SMARCC1: variants seen among roughly 807,000 people sequenced by gnomAD.
SMARCC1 encodes the protein SWI/SNF complex subunit SMARCC1.
Under a neutral mutation model 147.4 loss-of-function variants are expected in SMARCC1, and 43 were observed. The observed-to-expected ratio is 0.29, with a 90% confidence interval of 0.23 to 0.38. The LOEUF is 0.38. Among genes scored for constraint, SMARCC1 ranks in the 10% least tolerant of loss-of-function variants. The pLI is 1.00. For missense variants in SMARCC1, 1,119 were observed against 1,381.1 expected (o/e 0.81, Z 3.01); for synonymous variants, 495 against 484.4 (o/e 1.02, Z -0.29).
At chr3:47,593,511 A>G (rs1210507983) in intron 26 of SMARCC1, among the ~76,000 whole-genome samples, 1 of 152,226 alleles carries the variant, frequency 6.6e-6, no homozygotes, top group African/African-American at 2.4e-5. Flanking sequence ...TTCTCTACAG[A>G]ATAAGAAAAA....
chr3:47,748,341 G>A (rs2034589690), intron 2 of SMARCC1, among the ~76,000 whole-genome samples: 1 of 152,022 alleles, frequency 6.6e-6, no homozygotes, highest in Non-Finnish European at 1.5e-5. Context: ...AGCCTCCCAA[G>A]TAGTTGGGAT....
chr3:47,736,966 T>C (rs962886288), intron 4 of SMARCC1, among the ~76,000 whole-genome samples: 1 of 152,150 alleles, frequency 6.6e-6, no homozygotes, highest in Non-Finnish European at 1.5e-5. Context: ...AATAAGGACA[T>C]TAAGCATTCT....
At chr3:47,755,052 T>C (rs2034674358) in intron 2 of SMARCC1, among the ~76,000 whole-genome samples, 1 of 145,092 alleles carries the variant, frequency 6.9e-6, no homozygotes, top group Non-Finnish European at 1.5e-5. Context: ...CAAAAATAAA[T>C]AAATAAAAAT....
chr3:47,755,556 A>G (rs1272294855), intron 2 of SMARCC1, among the ~76,000 whole-genome samples: 4 of 149,818 alleles, frequency 2.7e-5, no homozygotes, highest in Non-Finnish European at 4.4e-5. Flanking sequence ...AAAAAGAATT[A>G]TAAGTTTAAA....
intron 22 of SMARCC1, among the ~76,000 whole-genome samples, chr3:47,637,019 C>A (rs192727905): frequency 6.6e-6 from 1 of 152,100 alleles, no homozygotes; most frequent in Non-Finnish European, 1.5e-5. Context: ...ACTGAAAAAA[C>A]CGCAACTGAC....
chr3:47,648,921 C>CATTG (rs1045274998), intron 21 of SMARCC1, among the ~76,000 whole-genome samples: 1 of 152,128 alleles, frequency 6.6e-6, no homozygotes, highest in African/African-American at 2.4e-5. Flanking sequence ...TTTGATTAAA[C>CATTG]AATCCCCCAA....
At chr3:47,688,786 T>C (rs755888890) in intron 13 of SMARCC1, among the ~76,000 whole-genome samples, 8 of 152,146 alleles carry the variant, frequency 5.3e-5, no homozygotes, top group Non-Finnish European at 1.5e-5. Context: ...GGATAACATC[T>C]GAAATACTGT....
intron 13 of SMARCC1, among the ~76,000 whole-genome samples, 181 bp downstream of exon 13, chr3:47,689,206 G>C (rs1477241345): frequency 2.0e-5 from 3 of 151,988 alleles, no homozygotes; most frequent in Non-Finnish European, 4.4e-5. Context: ...ACACCTTCCA[G>C]AAATGGTTCT....
intron 2 of SMARCC1, among the ~76,000 whole-genome samples, chr3:47,764,069 C>A (rs535121444): frequency 6.6e-6 from 1 of 152,004 alleles, no homozygotes; most frequent in Non-Finnish European, 1.5e-5. Context: ...GGATTTCGCT[C>A]TATCACTCAG....
intron 11 of SMARCC1, among the ~76,000 whole-genome samples, chr3:47,696,742 T>G (rs1231263326): frequency 2.0e-5 from 3 of 152,116 alleles, no homozygotes; most frequent in Non-Finnish European, 1.5e-5. Context: ...AGGCTGGTCT[T>G]GAACTCTTGA....
At chr3:47,751,540 CAAAAAAAAAAA>C (rs57964357) in intron 2 of SMARCC1, among the ~76,000 whole-genome samples, 91,023 of 141,964 alleles carry the variant, frequency 0.64, 28,797 homozygotes, top group East Asian at 0.74. Flanking sequence ...GACTCTGTCT[CAAAAAAAAAAA>C]AAAAGAAAAC....
chr3:47,767,953 A>C (rs1311030411), intron 2 of SMARCC1, among the ~76,000 whole-genome samples: 2 of 151,402 alleles, frequency 1.3e-5, no homozygotes, highest in Non-Finnish European at 2.9e-5. Context: ...CTCCCACCTC[A>C]GCCTCCCAAG....
In SMARCC1 at chr3:47,720,735, T is replaced by C. The variant is rs1387372744; in HGVS notation, c.647A>G (p.Glu216Gly). ...IYPYSSSQDDEEWLRPVMRKE... is the reference protein window; with the variant it reads ...IYPYSSSQDDGEWLRPVMRKE... Reference sequence around the variant, plus strand: ...TCTCATCACCGGTCTCAACCATTCTTCTGGAAGAGAAAAAGAAACAACTTT... The same window carrying C: ...TCTCATCACCGGTCTCAACCATTCTCCTGGAAGAGAAAAAGAAACAACTTT... Residue 216 changes from glutamate to glycine, a missense_variant and splice_region_variant, in exon 7 of 28, where the codon GAA (glutamate) becomes GGA (glycine). This residue lies in a region of SMARCC1 where 542 missense variants were observed against 611.8 expected (regional missense o/e 0.89). Coordinates refer to ENST00000254480, the MANE Select transcript of SMARCC1 (RefSeq NM_003074.4). 3 of 1,605,714 alleles carry C rather than the reference T, an allele frequency of 1.9e-6. No individual in the cohort carries two copies. The South Asian group carries it at 3.4e-5, about 18-fold the overall frequency.
intron 25 of SMARCC1, among the ~76,000 whole-genome samples, chr3:47,616,454 T>C (rs965199693): frequency 6.6e-6 from 1 of 152,160 alleles, no homozygotes; most frequent in African/African-American, 2.4e-5. Flanking sequence ...AATTCGATTT[T>C]TTTTTTTTGA....
intron 14 of SMARCC1, among the ~76,000 whole-genome samples, chr3:47,685,642 G>A (rs2106768589): frequency 6.6e-6 from 1 of 150,676 alleles, no homozygotes; most frequent in East Asian, 2.0e-4. Context: ...GGTGGATCAC[G>A]AGGTCAGGAG....
At position 47,729,092 on chromosome 3, in the gene SMARCC1, TC is replaced by T; in HGVS notation, c.578del (p.Gly193GlufsTer27). On this transcript the variant is annotated frameshift_variant and splice_region_variant, in exon 6 of 28. Coordinates refer to ENST00000254480, the MANE Select transcript of SMARCC1 (RefSeq NM_003074.4). LOFTEE classifies it high-confidence loss of function. ...KLKDIIKRHQ[G>X]TFTDEKSKAS... The stretch of plus-strand genomic sequence containing the variant: ...CTTTTGACTTCTCATCCGTAAATGT[TC>T]CCTGGAAAGCAAATGAACAAAAACC... 6.2e-7 allele frequency: 1 copy of T among 1,608,370 alleles called. No homozygotes were observed. Among genetic ancestry groups the T allele is most frequent in the Non-Finnish European group, 8.5e-7 (1 of 1,175,702 alleles).
intron 11 of SMARCC1, among the ~76,000 whole-genome samples, chr3:47,698,606 G>C (rs2033883070): frequency 6.6e-6 from 1 of 151,746 alleles, no homozygotes; most frequent in African/African-American, 2.4e-5. Flanking sequence ...TACACTGTCA[G>C]TAACAAAAAA....
At chr3:47,661,210 T>C in intron 21 of SMARCC1, 84 bp downstream of exon 21, 1 of 1,176,658 alleles carries the variant, frequency 8.5e-7, no homozygotes, top group East Asian at 2.4e-5. Flanking sequence ...CACTTTTTAG[T>C]GCAAGTAAAC....
chr3:47,636,786 ATATG>A (rs142220845), intron 22 of SMARCC1, among the ~76,000 whole-genome samples: 16,361 of 140,858 alleles, frequency 0.12, 1,083 homozygotes, highest in Middle Eastern at 0.18. Context: ...CAAAATATAT[ATATG>A]TGTGTGTGTG....
Sources: allele counts gnomAD v4.1 joint callset (sites outside exome capture counted in the v4.1 genomes callset), GRCh38; gene constraint gnomAD v4.1.1; regional missense constraint gnomAD v4.1.1; transcripts MANE v1.5; gene names NCBI Gene and HGNC (gene_info 2026-07-23, HGNC 2026-07-21).